TCERG1L: variants seen among roughly 807,000 people sequenced by gnomAD.
TCERG1L encodes the protein transcription elongation regulator 1-like protein.
In TCERG1L, 37 loss-of-function variants were observed where a neutral mutation model predicts 56.3. That is an observed-to-expected ratio of 0.66 (90% confidence interval 0.51 to 0.87). The LOEUF is 0.87. TCERG1L is among the 40% of genes least tolerant of loss of function. TCERG1L has a pLI of 0.00. For synonymous variants in TCERG1L, 324 were observed against 326.3 expected (o/e 0.99, Z 0.08); for missense variants, 799 against 774.2 (o/e 1.03, Z -0.38).
At chr10:131,254,302 A>AATATATATATAT (rs57689050) in intron 4 of TCERG1L, among the ~76,000 whole-genome samples, 4,149 of 142,632 alleles carry the variant, frequency 0.029, 84 homozygotes, top group Admixed American at 0.047. Flanking sequence ...ACTGGATTTA[A>AATATATATATAT]ATATATATAT....
chr10:131,114,762 C>T (rs1045589356), intron 9 of TCERG1L, among the ~76,000 whole-genome samples: 1 of 152,174 alleles, frequency 6.6e-6, no homozygotes, highest in Non-Finnish European at 1.5e-5. Flanking sequence ...TAAATTGGGC[C>T]TGGCTCATTT....
rs189015899 is a variant in TCERG1L at position 131,097,755 on chromosome 10, T to C, written c.1604+551A>G. On this transcript the variant is annotated intron_variant, in intron 11 of 11. Transcript: ENST00000368642. ...CATCTATTTTCTTGTAAGTGTGTCT[T>C]ATTTCATGGAAATAATGCCTCATTT... Among the ~76,000 whole-genome samples, 90 of 152,372 alleles carry C rather than the reference T, an allele frequency of 5.9e-4. 1 individual carries two copies. The South Asian group carries it at 0.015, about 26-fold the overall frequency.
chr10:131,129,878 C>G (rs1224654780), intron 8 of TCERG1L, among the ~76,000 whole-genome samples: 1 of 152,116 alleles, frequency 6.6e-6, no homozygotes, highest in East Asian at 1.9e-4. Context: ...GAAGCAAGGC[C>G]TGTTTTCCAT....
chr10:131,224,301 C>T (rs1845768866), intron 4 of TCERG1L, among the ~76,000 whole-genome samples: 1 of 152,176 alleles, frequency 6.6e-6, no homozygotes, highest in Admixed American at 6.5e-5. Context: ...GCTGCACGTC[C>T]CATTGGGAGT....
In TCERG1L at chr10:131,248,542, C is replaced by G. The variant is rs140980496; in HGVS notation, c.856+11717G>C. 1.1e-3 allele frequency among the ~76,000 whole-genome samples: 172 copies of G among 152,324 alleles called. 6 individuals are homozygous for G. In the South Asian group the frequency reaches 0.035, roughly 31 times the overall value. The stretch of plus-strand genomic sequence containing the variant: ...TACCTTCCCGTAGCCTTGCCTCCCC[C>G]ACGCAGGCCAATGGACTCTTCCCGT... On this transcript the variant is annotated intron_variant, in intron 4 of 11. Coordinates refer to ENST00000368642, the MANE Select transcript of TCERG1L (RefSeq NM_174937.4).
At chr10:131,302,608 CT>C (rs35380771) in intron 3 of TCERG1L, among the ~76,000 whole-genome samples, 71,990 of 142,414 alleles carry the variant, frequency 0.51, 18,178 homozygotes, top group Admixed American at 0.57. Flanking sequence ...CCTCCCAATT[CT>C]TTTTTTTTTT....
intron 3 of TCERG1L, among the ~76,000 whole-genome samples, chr10:131,271,716 T>A (rs897763400): frequency 5.9e-5 from 9 of 152,100 alleles, no homozygotes; most frequent in African/African-American, 2.2e-4. Flanking sequence ...AGAATGCCCA[T>A]GTGGAGGGAA....
chr10:131,234,709 T>C (rs1845894977), intron 4 of TCERG1L, among the ~76,000 whole-genome samples: 1 of 149,598 alleles, frequency 6.7e-6, no homozygotes, highest in African/African-American at 2.5e-5. Flanking sequence ...TTTGTTTTGT[T>C]GTGTTTTTTT....
At chr10:131,125,028 C>G (rs1285008206) in intron 8 of TCERG1L, among the ~76,000 whole-genome samples, 1 of 152,238 alleles carries the variant, frequency 6.6e-6, no homozygotes, top group Non-Finnish European at 1.5e-5. Context: ...CACAACCCCA[C>G]TGTCCAGGTG....
intron 3 of TCERG1L, among the ~76,000 whole-genome samples, chr10:131,286,131 G>C (rs887907612): frequency 6.6e-6 from 1 of 152,142 alleles, no homozygotes; most frequent in African/African-American, 2.4e-5. Context: ...CGTGGCTCTT[G>C]CACAGTAGTC....
chr10:131,201,543 A>C (rs1046576087), intron 4 of TCERG1L, among the ~76,000 whole-genome samples: 2 of 152,240 alleles, frequency 1.3e-5, no homozygotes, highest in African/African-American at 4.8e-5. Flanking sequence ...TTACTATTTT[A>C]ACAAACGCCA....
chr10:131,268,852 C>A (rs1397829816), intron 3 of TCERG1L, among the ~76,000 whole-genome samples: 1 of 152,250 alleles, frequency 6.6e-6, no homozygotes, highest in Non-Finnish European at 1.5e-5. Flanking sequence ...TAGGCTTTGG[C>A]TTAATGGAAT....
At chr10:131,142,134 G>A (rs78610902) in intron 7 of TCERG1L, among the ~76,000 whole-genome samples, 6,459 of 152,330 alleles carry the variant, frequency 0.042, 164 homozygotes, top group Middle Eastern at 0.14. Flanking sequence ...ATTGTGCAAA[G>A]AGGCGGCTCA....
chr10:131,294,159 T>C lies in TCERG1L; in HGVS notation c.670+14052A>G, dbSNP rs1846664364. On this transcript the variant is annotated intron_variant, in intron 3 of 11. Transcript: ENST00000368642. The stretch of plus-strand genomic sequence containing the variant: ...GGAAGAAAAAAAACAAAGGAAACTG[T>C]ATATCTGAAGAATGGGAGCCCCTTT... Among the ~76,000 whole-genome samples, 3 of 152,202 alleles carry C rather than the reference T, an allele frequency of 2.0e-5. No individual in the cohort carries two copies. The South Asian group carries it at 6.2e-4, about 32-fold the overall frequency.
chr10:131,135,780 C>A (rs1470930553), intron 7 of TCERG1L, among the ~76,000 whole-genome samples: 3 of 152,252 alleles, frequency 2.0e-5, no homozygotes, highest in African/African-American at 4.8e-5. Flanking sequence ...GCTGCAGTAT[C>A]CATCATGCAC....
At chr10:131,104,123 T>C (rs200094370) in intron 10 of TCERG1L, 142 bp downstream of exon 10, 660 of 595,332 alleles carry the variant, frequency 1.1e-3, no homozygotes, top group Non-Finnish European at 1.6e-3. Flanking sequence ...TCTAACTCTT[T>C]TGTTCACAAG....
At chr10:131,147,209 T>C (rs76288837) in intron 6 of TCERG1L, among the ~76,000 whole-genome samples, 322 of 152,140 alleles carry the variant, frequency 2.1e-3, no homozygotes, top group Non-Finnish European at 3.6e-3. Context: ...GATGGGCAAA[T>C]AAGGAAGATT....
chr10:131,301,263 A>G (rs1846759723), intron 3 of TCERG1L, among the ~76,000 whole-genome samples: 2 of 152,024 alleles, frequency 1.3e-5, no homozygotes, highest in South Asian at 4.1e-4. Flanking sequence ...GAGGATTTTT[A>G]AAGGCTTTAT....
intron 3 of TCERG1L, among the ~76,000 whole-genome samples, chr10:131,265,662 A>G (rs1846277117): frequency 6.6e-6 from 1 of 152,274 alleles, no homozygotes; most frequent in Non-Finnish European, 1.5e-5. Context: ...AGTTATGTTT[A>G]CACTATAGTG....
Sources: allele counts gnomAD v4.1 joint callset (sites outside exome capture counted in the v4.1 genomes callset), GRCh38; gene constraint gnomAD v4.1.1; transcripts MANE v1.5; gene names NCBI Gene and HGNC (gene_info 2026-07-23, HGNC 2026-07-21).